HLCS: variants seen among roughly 807,000 people sequenced by gnomAD.
HLCS encodes the protein holocarboxylase synthetase.
HLCS carries 53 observed loss-of-function variants against 75.0 expected under a neutral mutation model. The ratio of observed to expected loss-of-function variants is 0.71; its 90% confidence interval spans 0.57 to 0.89. The LOEUF is 0.89. Among genes scored for constraint, HLCS ranks in the 40% least tolerant of loss-of-function variants. The pLI, the probability that HLCS is intolerant of heterozygous loss-of-function variation, is 0.00. For missense variants in HLCS, 966 were observed against 1,074.0 expected (o/e 0.90, Z 1.41); for synonymous variants, 431 against 428.6 (o/e 1.01, Z -0.07).
chr21:36,937,392 G>A lies in HLCS; in HGVS notation c.494C>T (p.Ser165Leu), dbSNP rs145793436. The change falls in exon 4 of 11, where the codon TCG (serine) becomes TTG (leucine). Residue 165 changes from serine (S) to leucine (L), a missense_variant and splice_region_variant. Physicochemically the swap from Ser to Leu is moderately radical, Grantham distance 145. Coordinates refer to ENST00000674895, the MANE Select transcript of HLCS (RefSeq NM_001352514.2). ...CAGAGTGGAGTCCTGCAAGTGCACC[G>A]CTAAGGCATGAATAGGAGAGAGAGA... ...DNGLVPQKIV[S>L]VHLQDSTLKE... The A allele has an allele frequency of 2.5e-5, 41 of 1,611,448 alleles. No individual in the cohort carries two copies. The highest frequency in any genetic ancestry group is 1.3e-4 in the East Asian group (6 of 44,880).
chr21:36,868,758 G>T, intron 6 of HLCS, among the ~76,000 whole-genome samples: 1 of 152,142 alleles, frequency 6.6e-6, no homozygotes. Context: ...ACGGAGCGTT[G>T]TACCGTACAA....
At chr21:36,957,234 T>C (rs1419775429) in intron 2 of HLCS, among the ~76,000 whole-genome samples, 1 of 152,032 alleles carries the variant, frequency 6.6e-6, no homozygotes, top group Non-Finnish European at 1.5e-5. Flanking sequence ...CTATAGTGAG[T>C]GAGTTCTCAC....
intron 6 of HLCS, among the ~76,000 whole-genome samples, chr21:36,874,942 C>T (rs907690440): frequency 2.0e-5 from 3 of 152,170 alleles, no homozygotes; most frequent in Admixed American, 6.5e-5. Context: ...TCCCCGCTCC[C>T]GGCACCCACT....
At chr21:36,850,344 A>ACCTGT (rs1486283150) in intron 6 of HLCS, among the ~76,000 whole-genome samples, 3 of 152,342 alleles carry the variant, frequency 2.0e-5, no homozygotes, top group African/African-American at 7.2e-5. Flanking sequence ...GGGGCAGCTC[A>ACCTGT]CCTGTCTGGC....
intron 6 of HLCS, among the ~76,000 whole-genome samples, chr21:36,776,312 G>A (rs2060355826): frequency 6.6e-6 from 1 of 152,030 alleles, no homozygotes; most frequent in Admixed American, 6.5e-5. Flanking sequence ...TAATGTCTCT[G>A]TATTCCTATA....
intron 6 of HLCS, among the ~76,000 whole-genome samples, chr21:36,834,662 T>A (rs369613248): frequency 6.6e-5 from 10 of 152,002 alleles, no homozygotes; most frequent in East Asian, 3.9e-4. Flanking sequence ...TTCAAGCGAG[T>A]CTCCTGCCTC....
intron 6 of HLCS, among the ~76,000 whole-genome samples, chr21:36,893,866 C>T (rs1445254170): frequency 2.6e-5 from 4 of 152,204 alleles, no homozygotes; most frequent in African/African-American, 9.7e-5. Flanking sequence ...TTGTTTAAAG[C>T]ACACAAAAGC....
At chr21:36,789,964 C>T (rs1276836399) in intron 6 of HLCS, among the ~76,000 whole-genome samples, 1 of 152,142 alleles carries the variant, frequency 6.6e-6, no homozygotes, top group African/African-American at 2.4e-5. Context: ...ATCAATGGGT[C>T]AAGGATATTA....
chr21:36,956,553 C>T (rs552507175), intron 2 of HLCS, among the ~76,000 whole-genome samples: 2 of 151,906 alleles, frequency 1.3e-5, no homozygotes, highest in African/African-American at 4.8e-5. Context: ...ACGGTGAAAC[C>T]CCATCTCTAC....
chr21:36,962,593 C>T (rs2068360774), intron 1 of HLCS, among the ~76,000 whole-genome samples: 1 of 151,782 alleles, frequency 6.6e-6, no homozygotes, highest in African/African-American at 2.4e-5. Flanking sequence ...TTCAAGACCA[C>T]CCTGGCCAAC....
intron 6 of HLCS, among the ~76,000 whole-genome samples, chr21:36,782,601 T>C (rs2060567511): frequency 6.6e-6 from 1 of 151,986 alleles, no homozygotes; most frequent in African/African-American, 2.4e-5. Context: ...GGAGAGGGTG[T>C]AGAGGAGAAT....
chr21:36,979,066 G>A (rs2154533), intron 1 of HLCS, among the ~76,000 whole-genome samples: 56,029 of 151,440 alleles, frequency 0.37, 10,427 homozygotes, highest in East Asian at 0.5. Context: ...TCAGGAGATT[G>A]AGACCATCCT....
chr21:36,822,887 T>A (rs1389270619), intron 6 of HLCS, among the ~76,000 whole-genome samples: 2 of 152,160 alleles, frequency 1.3e-5, no homozygotes, highest in Admixed American at 1.3e-4. Flanking sequence ...TACCAATAAA[T>A]ACAGCATTTA....
intron 4 of HLCS, among the ~76,000 whole-genome samples, chr21:36,932,813 C>T (rs953366370): frequency 1.3e-5 from 2 of 152,174 alleles, no homozygotes; most frequent in Non-Finnish European, 2.9e-5. Flanking sequence ...AATATACTAA[C>T]CAAATGTTAG....
chr21:36,896,692 T>C (rs1451421330), intron 6 of HLCS, 168 bp downstream of exon 6: 1 of 732,366 alleles, frequency 1.4e-6, no homozygotes, highest in Non-Finnish European at 2.2e-6. Context: ...AACTTCAATT[T>C]CCTTTCCCAC....
At chr21:36,981,395 C>CTT (rs11328067) in intron 1 of HLCS, among the ~76,000 whole-genome samples, 2,691 of 91,250 alleles carry the variant, frequency 0.029, 156 homozygotes, top group African/African-American at 0.081. Flanking sequence ...CTTAACCTTC[C>CTT]TTTTTTTTTT....
intron 6 of HLCS, among the ~76,000 whole-genome samples, chr21:36,886,200 G>A (rs954055775): frequency 6.6e-6 from 1 of 152,036 alleles, no homozygotes; most frequent in African/African-American, 2.4e-5. Context: ...GGGAGGCCGA[G>A]ACGGGCGGAT....
At chr21:36,890,472 A>G (rs1261222126) in intron 6 of HLCS, among the ~76,000 whole-genome samples, 1 of 152,172 alleles carries the variant, frequency 6.6e-6, no homozygotes, top group African/African-American at 2.4e-5. Flanking sequence ...GAGGGGACTC[A>G]GTCATCAGCA....
chr21:36,936,475 G>A lies in HLCS; in HGVS notation c.1411C>T (p.Arg471Cys), dbSNP rs1275015391. 4 of 1,614,108 alleles carry A rather than the reference G, an allele frequency of 2.5e-6. No homozygotes were observed. The highest frequency in any genetic ancestry group is 2.5e-6 in the Non-Finnish European group (3 of 1,179,948). Reference sequence around the variant, plus strand: ...TGGCAAAGAACAGCTTCTCCCCCGCGAGTTCCAAAAGGCACATGCACAATC... The same window carrying A: ...TGGCAAAGAACAGCTTCTCCCCCGCAAGTTCCAAAAGGCACATGCACAATC... The part of the protein sequence containing the change: ...RMIVHVPFGT[R>C]GGEAVLCQVH... The change falls in exon 4 of 11, where the codon CGC becomes TGC. Residue 471 changes from arginine to cysteine, a missense_variant. Arg to Cys is a radical substitution (Grantham distance 180). Transcript: ENST00000674895.
Sources: gnomAD v4.1 joint callset for allele counts (sites outside exome capture counted in the v4.1 genomes callset) on GRCh38, gnomAD v4.1.1 for gene constraint, MANE v1.5 for transcripts, NCBI Gene and HGNC (gene_info 2026-07-23, HGNC 2026-07-21) for gene names.